The following ZNF804B variants were observed in gnomAD, a reference collection of about 807,000 sequenced individuals.
The protein encoded by ZNF804B is zinc finger 804B.
Under a neutral mutation model 101.4 loss-of-function variants are expected in ZNF804B, and 80 were observed. The ratio of observed to expected loss-of-function variants is 0.79; its 90% CI spans 0.66 to 0.95. The LOEUF (loss-of-function observed/expected upper bound fraction) is 0.95, where lower values mean the gene tolerates loss of function less well. Among genes scored for constraint, ZNF804B ranks in the 40% least tolerant of loss-of-function variants. The pLI is 0.00. For synonymous variants in ZNF804B, 622 were observed against 558.8 expected, an observed-to-expected ratio of 1.11 and a Z score of -1.59; for missense variants, 1,673 against 1,561.9, an observed-to-expected ratio of 1.07 and a Z score of -1.20.
chr7:89,106,854 A>G (rs1236747696), intron 1 of ZNF804B, among the ~76,000 whole-genome samples: 1 of 152,138 alleles, frequency 6.6e-6, no homozygotes, highest in East Asian at 1.9e-4. Context: ...TTCAAGTAGG[A>G]GATACATTAT....
intron 2 of ZNF804B, among the ~76,000 whole-genome samples, chr7:89,257,537 A>G (rs1789652487): frequency 6.6e-6 from 1 of 152,138 alleles, no homozygotes; most frequent in African/African-American, 2.4e-5. Flanking sequence ...TTTACATATA[A>G]AAGGAGTCAC....
chr7:88,782,891 G>T (rs1790250971), intron 1 of ZNF804B, among the ~76,000 whole-genome samples: 1 of 152,056 alleles, frequency 6.6e-6, no homozygotes. Context: ...TGTACAAGAG[G>T]ACTCTTGGGG....
At chr7:88,802,490 C>T (rs1790607508) in intron 1 of ZNF804B, among the ~76,000 whole-genome samples, 2 of 151,884 alleles carry the variant, frequency 1.3e-5, no homozygotes, top group Admixed American at 1.3e-4. Context: ...AAGTTTCCCC[C>T]TATCTCAGGG....
rs115837369 is a variant in ZNF804B at position 89,013,646 on chromosome 7, A to G, written c.109-204509A>G. ...CATTTCTTTGTAGGGGGAACATTCAATATTCTCTCTTTAGCTATTTGAAAT... is the reference window on the plus strand; with the variant it reads ...CATTTCTTTGTAGGGGGAACATTCAGTATTCTCTCTTTAGCTATTTGAAAT... On this transcript the variant is annotated intron_variant, in intron 1 of 3. Transcript: ENST00000333190. 7.8e-3 allele frequency among the ~76,000 whole-genome samples: 1,191 copies of G among 152,288 alleles called. 20 individuals are homozygous for G. The highest frequency in any genetic ancestry group is 0.027 in the African/African-American group (1,131 of 41,558).
At chr7:88,795,046 T>A in intron 1 of ZNF804B, 2 of 960,428 alleles carry the variant, frequency 2.1e-6, no homozygotes, top group Non-Finnish European at 2.9e-6. Flanking sequence ...TTTTATTTCT[T>A]CTGACAAAAA....
Position 89,218,204 on chromosome 7 carries a change from C to A in ZNF804B, c.158C>A (p.Ala53Glu). ...STAKALEDVKANFYCELCDKQ... is the reference protein window; with the variant it reads ...STAKALEDVKENFYCELCDKQ... ...GCAAAGGCCCTGGAAGATGTAAAGG[C>A]AAACTTTTACTGTGAATTATGTGAC... Residue 53 changes from alanine (A) to glutamate (E), a missense_variant, in exon 2 of 4, where the codon GCA (alanine) becomes GAA (glutamate). Transcript: ENST00000333190. The A allele has an allele frequency of 6.2e-7, 1 of 1,613,788 alleles. No homozygotes were observed. Among genetic ancestry groups the A allele is most frequent in the East Asian group, 2.2e-5 (1 of 44,838 alleles).
chr7:88,968,103 A>C (rs1793483588), intron 1 of ZNF804B, among the ~76,000 whole-genome samples: 1 of 151,376 alleles, frequency 6.6e-6, no homozygotes, highest in Non-Finnish European at 1.5e-5. Flanking sequence ...AGATATTCTT[A>C]AAATTTAATA....
chr7:89,053,491 C>G (rs950032860), intron 1 of ZNF804B, among the ~76,000 whole-genome samples: 2 of 152,008 alleles, frequency 1.3e-5, no homozygotes, highest in Non-Finnish European at 2.9e-5. Context: ...TTAATAATAT[C>G]AACATTAAAA....
At chr7:89,067,698 G>T (rs1313031110) in intron 1 of ZNF804B, among the ~76,000 whole-genome samples, 1 of 152,126 alleles carries the variant, frequency 6.6e-6, no homozygotes, top group African/African-American at 2.4e-5. Flanking sequence ...AGGGAAGCAG[G>T]TCAATACCAG....
intron 1 of ZNF804B, among the ~76,000 whole-genome samples, chr7:89,058,792 C>T (rs1323285048): frequency 6.6e-6 from 1 of 152,154 alleles, no homozygotes; most frequent in African/African-American, 2.4e-5. Flanking sequence ...CTCCCAGGCT[C>T]AGGTGATCCT....
intron 1 of ZNF804B, among the ~76,000 whole-genome samples, chr7:88,819,762 C>A (rs1400060187): frequency 6.6e-6 from 1 of 152,096 alleles, no homozygotes; most frequent in Non-Finnish European, 1.5e-5. Context: ...ATACATTTAA[C>A]AGTTTCATTG....
chr7:89,088,859 C>G (rs552943298), intron 1 of ZNF804B, among the ~76,000 whole-genome samples: 2 of 151,782 alleles, frequency 1.3e-5, no homozygotes, highest in African/African-American at 2.4e-5. Flanking sequence ...GCTAGATTTT[C>G]AAAGGTGTAG....
At chr7:89,269,026 TG>T (rs1372789091) in intron 2 of ZNF804B, among the ~76,000 whole-genome samples, 2 of 152,080 alleles carry the variant, frequency 1.3e-5, no homozygotes, top group African/African-American at 4.8e-5. Flanking sequence ...TTTTATTTTT[TG>T]GTAATAGAAA....
rs1405451509 is a variant in ZNF804B, at chr7:89,338,234, T to G, written c.*1202T>G. 6.6e-6 allele frequency among the ~76,000 whole-genome samples: 1 copy of G among 152,092 alleles called. No individual in the cohort carries two copies. Among genetic ancestry groups the G allele is most frequent in the Non-Finnish European group, 1.5e-5 (1 of 67,948 alleles). On this transcript the variant is annotated 3_prime_UTR_variant, in exon 4 of 4. Transcript: ENST00000333190. ...ATGGAGGTAATCATTTATCTAATGC[T>G]GTCTATACGAAGATGCAAACTCCTC...
intron 2 of ZNF804B, among the ~76,000 whole-genome samples, chr7:89,285,261 G>A (rs937147002): frequency 1.3e-5 from 2 of 151,626 alleles, no homozygotes; most frequent in Non-Finnish European, 2.9e-5. Flanking sequence ...GGTGGCTCAC[G>A]CCTGTAATCC....
intron 1 of ZNF804B, among the ~76,000 whole-genome samples, chr7:88,927,377 G>T (rs73397330): frequency 0.024 from 3,596 of 152,194 alleles, 133 homozygotes; most frequent in African/African-American, 0.082. Context: ...CAATATTGTG[G>T]TTTGATCTGA....
chr7:89,067,828 C>CTTTTTTTT (rs112256863), intron 1 of ZNF804B, among the ~76,000 whole-genome samples: 28 of 132,804 alleles, frequency 2.1e-4, no homozygotes, highest in East Asian at 4.5e-4. Flanking sequence ...CTTTTCTTTT[C>CTTTTTTTT]TTTTTTTTTT....
At position 89,067,912 on chromosome 7, in the gene ZNF804B, C is replaced by T. The variant is rs968159293; in HGVS notation, c.109-150243C>T. Among the ~76,000 whole-genome samples the T allele has an allele frequency of 3.3e-5, 5 of 150,104 alleles. 1 individual carries two copies. The South Asian group carries it at 8.5e-4, about 25-fold the overall frequency. On this transcript the variant is annotated intron_variant, in intron 1 of 3. Transcript: ENST00000333190. Reference sequence around the variant, plus strand: ...CAAGCTCCACCTCCCAGGTTCACACCATTCTCCTGCCTCAGCCTCACGAGT... The same window carrying T: ...CAAGCTCCACCTCCCAGGTTCACACTATTCTCCTGCCTCAGCCTCACGAGT...
At chr7:89,277,645 C>T (rs556282840) in intron 2 of ZNF804B, among the ~76,000 whole-genome samples, 2 of 151,148 alleles carry the variant, frequency 1.3e-5, no homozygotes, top group South Asian at 2.1e-4. Context: ...TGATGATTTC[C>T]AATTTCATCC....
Sources: gnomAD v4.1 joint callset for allele counts (sites outside exome capture counted in the v4.1 genomes callset) on GRCh38, gnomAD v4.1.1 for gene constraint, MANE v1.5 for transcripts, NCBI Gene and HGNC (gene_info 2026-07-23, HGNC 2026-07-21) for gene names.